Variants in NFE2L3 observed in about 807,000 individuals in gnomAD.
NFE2L3 encodes nuclear factor erythroid 2-related factor 3.
NFE2L3 carries 18 observed loss-of-function variants against 23.5 expected under a neutral mutation model. The ratio of observed to expected loss-of-function variants is 0.77; its 90% CI spans 0.53 to 1.13. NFE2L3 has a LOEUF of 1.13. NFE2L3 is among the 50% of genes most tolerant of loss of function. The pLI is 0.00. For missense variants in NFE2L3, 1,152 were observed against 877.2 expected (o/e 1.31, Z -3.96); for synonymous variants, 424 against 354.5 (o/e 1.20, Z -2.20).
At chr7:26,175,061 A>C (rs1467138503) in intron 1 of NFE2L3, 1 of 152,178 alleles carries the variant, frequency 6.6e-6, no homozygotes, top group African/African-American at 2.4e-5. Flanking sequence ...TATAAAAGGA[A>C]TATGGCGGGG....
At chr7:26,180,464 T>A (rs1022155173) in intron 2 of NFE2L3, among the ~76,000 whole-genome samples, 10 of 152,230 alleles carry the variant, frequency 6.6e-5, no homozygotes, top group Admixed American at 6.5e-4. Flanking sequence ...ACAGCATACA[T>A]ACTGTATTGT....
intron 2 of NFE2L3, among the ~76,000 whole-genome samples, chr7:26,182,260 G>C (rs972200795): frequency 6.6e-6 from 1 of 152,002 alleles, no homozygotes; most frequent in Non-Finnish European, 1.5e-5. Flanking sequence ...CCATAAGACA[G>C]AGTACTGAGG....
chr7:26,159,347 C>G (rs1008859882), intron 1 of NFE2L3, among the ~76,000 whole-genome samples: 1 of 152,222 alleles, frequency 6.6e-6, no homozygotes, highest in Non-Finnish European at 1.5e-5. Context: ...TCAGCTCAAC[C>G]ATCACCTCAT....
At position 26,161,582 on chromosome 7, in the gene NFE2L3, T is replaced by G. The variant is rs567606947; in HGVS notation, c.570+8514T>G. Among the ~76,000 whole-genome samples, 487 of 152,138 alleles carry G rather than the reference T, an allele frequency of 3.2e-3. 2 individuals are homozygous for G. The highest frequency in any genetic ancestry group is 0.011 in the African/African-American group (471 of 41,510). ...CTTGACGCTCCTCCCCCAGGGCTCC[T>G]CAGTGTCCGGCAATACCTGAATGGA... On this transcript the variant is annotated intron_variant, in intron 1 of 3. Transcript: ENST00000056233.
At chr7:26,167,545 G>A (rs1284826948) in intron 1 of NFE2L3, among the ~76,000 whole-genome samples, 1 of 150,116 alleles carries the variant, frequency 6.7e-6, no homozygotes, top group African/African-American at 2.5e-5. Context: ...TTTTTTAATT[G>A]TCCCAGCCCC....
intron 3 of NFE2L3, 85 bp downstream of exon 3, chr7:26,183,869 G>A (rs772837575): frequency 2.3e-5 from 20 of 883,276 alleles, no homozygotes; most frequent in Non-Finnish European, 3.6e-5. Flanking sequence ...TTACTTGGAT[G>A]ACACAGCAGT....
At chr7:26,167,097 G>A (rs2128098460) in intron 1 of NFE2L3, among the ~76,000 whole-genome samples, 1 of 152,286 alleles carries the variant, frequency 6.6e-6, no homozygotes, top group East Asian at 1.9e-4. Context: ...GGCCAGCTTT[G>A]CTCCTTTCTT....
At chr7:26,166,538 G>C (rs1270002829) in intron 1 of NFE2L3, among the ~76,000 whole-genome samples, 1 of 152,208 alleles carries the variant, frequency 6.6e-6, no homozygotes, top group Non-Finnish European at 1.5e-5. Context: ...TGTGACTTAA[G>C]GCAAGCTGTT....
chr7:26,162,461 C>T (rs778615313), intron 1 of NFE2L3, among the ~76,000 whole-genome samples: 3 of 151,966 alleles, frequency 2.0e-5, no homozygotes, highest in East Asian at 3.9e-4. Flanking sequence ...ATTCTGTTTA[C>T]GTATGTTTGA....
At chr7:26,182,311 T>TGAAGCATGAAGCATGAAGCATGAAGCA (rs60441813) in intron 2 of NFE2L3, among the ~76,000 whole-genome samples, 6 of 152,144 alleles carry the variant, frequency 3.9e-5, no homozygotes, top group African/African-American at 1.2e-4. Context: ...TAACTCATCA[T>TGAAGCATGAAGCATGAAGCATGAAGCA]TTAAGCATGA....
intron 1 of NFE2L3, among the ~76,000 whole-genome samples, chr7:26,169,876 T>C (rs1485403964): frequency 6.6e-6 from 1 of 152,056 alleles, no homozygotes; most frequent in Non-Finnish European, 1.5e-5. Flanking sequence ...GGTGGGAGGA[T>C]TGCTTGAGCC....
rs1384925796 is a variant in NFE2L3 at position 26,153,066 on chromosome 7, G to A, written c.568G>A (p.Glu190Lys). The change falls in exon 1 of 4, where the codon GAG (glutamate) becomes AAG (lysine). Residue 190 changes from glutamate to lysine, a missense_variant and splice_region_variant. Coordinates refer to ENST00000056233, the MANE Select transcript of NFE2L3 (RefSeq NM_004289.7). The part of the protein sequence containing the change: ...QVPDAGGCAS[E>K]ENGVLREKHE... ...GCCGGACGCTGGCGGATGTGCGAGC[G>A]AGGTAGGTGCAGAGCGGGAAGCGAG... is the stretch of plus-strand genomic sequence containing the variant. 2 of 1,526,958 alleles carry A rather than the reference G, an allele frequency of 1.3e-6. No individual in the cohort carries two copies. Among genetic ancestry groups the A allele is most frequent in the East Asian group, 2.6e-5 (1 of 38,838 alleles). 94.6% of individuals were successfully genotyped at this position (1,526,958 alleles called of 1,614,324 possible).
chr7:26,185,739 G>T lies in NFE2L3; in HGVS notation c.2041G>T (p.Ala681Ser). The change falls in exon 4 of 4, where the codon GCC becomes TCC. Residue 681 changes from alanine to serine, a missense_variant. By Grantham distance (99) the Ala-to-Ser change is moderately conservative (BLOSUM62 1). Transcript: ENST00000056233. ...SILIVPKELV[A>S]SGHKKETQKG... ...CTTGATAGTACCCAAAGAACTGGTG[G>T]CCTCAGGCCACAAAAAGGAAACCCA... is the stretch of plus-strand genomic sequence containing the variant. 6.3e-7 allele frequency: 1 copy of T among 1,589,138 alleles called. No individual in the cohort carries two copies. Among genetic ancestry groups the T allele is most frequent in the Non-Finnish European group, 8.5e-7 (1 of 1,173,898 alleles).
In NFE2L3 at chr7:26,184,989, T is replaced by TCTG. The variant is rs1782442483; in HGVS notation, c.1292_1294dup (p.Ser431_Val432insAla). 6.2e-7 allele frequency: 1 copy of TCTG among 1,613,842 alleles called. No homozygotes were observed. The highest frequency in any genetic ancestry group is 2.2e-5 in the East Asian group (1 of 44,882). On this transcript the variant is annotated inframe_insertion, in exon 4 of 4. Transcript: ENST00000056233. ...TTTAGATTCAAGTCACAATAATACC[T>TCTG]CTGTCATCAAGTCTAATTCCTCTCA...
intron 1 of NFE2L3, among the ~76,000 whole-genome samples, chr7:26,173,310 A>G (rs752841170): frequency 2.0e-5 from 3 of 152,130 alleles, no homozygotes; most frequent in African/African-American, 4.8e-5. Context: ...CAATTTCTCT[A>G]TGGGCTTGAT....
At chr7:26,175,195 A>T (rs2128099141) in intron 1 of NFE2L3, among the ~76,000 whole-genome samples, 1 of 148,022 alleles carries the variant, frequency 6.8e-6, no homozygotes. Context: ...AAAATACCAA[A>T]AAAAAAAAAA....
At chr7:26,155,296 C>A (rs570041102) in intron 1 of NFE2L3, among the ~76,000 whole-genome samples, 1 of 152,068 alleles carries the variant, frequency 6.6e-6, no homozygotes, top group East Asian at 1.9e-4. Flanking sequence ...ACAAAAATTA[C>A]TTGGGCGTGA....
chr7:26,186,928 A>ACT lies in NFE2L3; in HGVS notation c.*1147_*1148dup, dbSNP rs1427090733. ...AGACAGCAATGACCTCACCTAGATG[A>ACT]CTCAAGTTTGGGGAACATCAAGATT... is the stretch of plus-strand genomic sequence containing the variant. On this transcript the variant is annotated 3_prime_UTR_variant, in exon 4 of 4. Coordinates refer to ENST00000056233, the MANE Select transcript of NFE2L3 (RefSeq NM_004289.7). 5 of 152,206 alleles carry ACT rather than the reference A, an allele frequency of 3.3e-5. No individual in the cohort carries two copies. Among genetic ancestry groups the ACT allele is most frequent in the African/African-American group, 1.2e-4 (5 of 41,446 alleles). 9.4% of individuals were successfully genotyped at this position (152,206 alleles called of 1,614,324 possible).
chr7:26,172,433 A>G (rs540180753), intron 1 of NFE2L3, among the ~76,000 whole-genome samples: 2 of 152,222 alleles, frequency 1.3e-5, no homozygotes, highest in Non-Finnish European at 2.9e-5. Flanking sequence ...GATACTTATT[A>G]GTGTATATTT....
Sources: allele counts gnomAD v4.1 joint callset (sites outside exome capture counted in the v4.1 genomes callset), GRCh38; gene constraint gnomAD v4.1.1; transcripts MANE v1.5; gene names NCBI Gene and HGNC (gene_info 2026-07-23, HGNC 2026-07-21).